The following GSE1 variants were observed in gnomAD, a reference collection of about 807,000 sequenced individuals.
The protein encoded by GSE1 is genetic suppressor element 1.
GSE1 carries 32 observed loss-of-function variants against 112.6 expected under a neutral mutation model. The observed-to-expected ratio is 0.28, with a 90% confidence interval of 0.21 to 0.38. The LOEUF (loss-of-function observed/expected upper bound fraction) is 0.38. Ranked by LOEUF, GSE1 falls within the 10% of genes least tolerant of loss-of-function variation. The pLI is 1.00. For missense variants in GSE1, 2,348 were observed against 1,699.2 expected (o/e 1.38, Z -6.71); for synonymous variants, 1,115 against 735.6 (o/e 1.52, Z -8.35).
At chr16:85,620,545 G>T (rs1182854213) in intron 1 of GSE1, among the ~76,000 whole-genome samples, 1 of 152,268 alleles carries the variant, frequency 6.6e-6, no homozygotes, top group Non-Finnish European at 1.5e-5. Context: ...GCATTGGAGA[G>T]ACTTCCGCCT....
chr16:85,634,657 C>G (rs13333664), intron 2 of GSE1, among the ~76,000 whole-genome samples: 5 of 152,040 alleles, frequency 3.3e-5, no homozygotes, highest in Admixed American at 6.5e-5. Flanking sequence ...GGAGCATAGA[C>G]AAGCGGCCCC....
intron 1 of GSE1, among the ~76,000 whole-genome samples, chr16:85,347,965 C>T (rs542352792): frequency 2.2e-4 from 34 of 152,270 alleles, no homozygotes; most frequent in African/African-American, 7.5e-4. Context: ...CTTTTCTTTG[C>T]GGCAGGCGGG....
intron 2 of GSE1, among the ~76,000 whole-genome samples, chr16:85,442,076 G>A (rs1479948839): frequency 1.3e-5 from 2 of 152,246 alleles, no homozygotes; most frequent in Non-Finnish European, 2.9e-5. Context: ...AGCCAGATCT[G>A]TTTCTGCCTC....
chr16:85,611,776 G>A (rs1278070568), upstream of GSE1, among the ~76,000 whole-genome samples: 2 of 152,070 alleles, frequency 1.3e-5, no homozygotes, highest in East Asian at 3.9e-4. Flanking sequence ...GAACGCTCTA[G>A]GCCCGCCAGC....
intron 1 of GSE1, among the ~76,000 whole-genome samples, chr16:85,320,391 C>G (rs1296526952): frequency 6.6e-6 from 1 of 152,212 alleles, no homozygotes; most frequent in African/African-American, 2.4e-5. Context: ...CCTGGTGAAT[C>G]CAAGAGCTCA....
upstream of GSE1, among the ~76,000 whole-genome samples, chr16:85,554,278 T>A (rs1478637094): frequency 6.6e-6 from 1 of 152,156 alleles, no homozygotes; most frequent in Non-Finnish European, 1.5e-5. Flanking sequence ...TGGGGAATTA[T>A]CACATGGGGC....
chr16:85,613,115 T>G (rs1405761746), upstream of GSE1: 69 of 930,102 alleles, frequency 7.4e-5, no homozygotes, highest in East Asian at 6.1e-4. Context: ...CGCGCGCGCC[T>G]GTGTGTTTGC....
chr16:85,413,166 A>C (rs1567751310), intron 2 of GSE1, among the ~76,000 whole-genome samples: 1 of 152,216 alleles, frequency 6.6e-6, no homozygotes, highest in Non-Finnish European at 1.5e-5. Flanking sequence ...TGCAACAAGC[A>C]CGTGGAAGTG....
chr16:85,640,312 A>C (rs748369822), intron 2 of GSE1, among the ~76,000 whole-genome samples: 5 of 152,188 alleles, frequency 3.3e-5, no homozygotes, highest in Non-Finnish European at 7.4e-5. Flanking sequence ...GGCCTCTCCA[A>C]GCAGGTGTTG....
chr16:85,571,315 C>T (rs1005572380), intron 1 of GSE1, among the ~76,000 whole-genome samples: 7 of 152,242 alleles, frequency 4.6e-5, no homozygotes, highest in South Asian at 4.1e-4. Flanking sequence ...AGCATAGATC[C>T]GTGGCTATCA....
chr16:85,223,428 C>T (rs1047211130), intron 1 of GSE1, among the ~76,000 whole-genome samples: 4 of 148,958 alleles, frequency 2.7e-5, no homozygotes, highest in Admixed American at 2.0e-4. Context: ...GAGGCTGAGA[C>T]AGGAGAATAG....
chr16:85,271,707 C>A (rs1441860490), intron 1 of GSE1, among the ~76,000 whole-genome samples: 10 of 152,168 alleles, frequency 6.6e-5, no homozygotes, highest in Admixed American at 6.5e-5. Context: ...GGTGCCATGA[C>A]CCACCACCTC....
At chr16:85,667,632 C>T (rs2052979095) in intron 13 of GSE1, among the ~76,000 whole-genome samples, 1 of 152,202 alleles carries the variant, frequency 6.6e-6, no homozygotes. Flanking sequence ...CCAAGGCGGG[C>T]AGATCACCTG....
intron 2 of GSE1, among the ~76,000 whole-genome samples, chr16:85,374,337 G>A (rs1363323937): frequency 6.6e-6 from 1 of 151,266 alleles, no homozygotes; most frequent in Non-Finnish European, 1.5e-5. Context: ...GTGTGCCTCT[G>A]TGTGGTCGCG....
At chr16:85,526,378 G>A (rs2052365346) in intron 2 of GSE1, among the ~76,000 whole-genome samples, 1 of 152,278 alleles carries the variant, frequency 6.6e-6, no homozygotes, top group Admixed American at 6.5e-5. Flanking sequence ...AGCTGCAGAA[G>A]TAGAGTGCGT....
At chr16:85,510,396 G>A (rs955850774) in intron 2 of GSE1, among the ~76,000 whole-genome samples, 2 of 152,184 alleles carry the variant, frequency 1.3e-5, no homozygotes, top group African/African-American at 4.8e-5. Context: ...CAGGACCAGG[G>A]CCCGAGCGTG....
intron 1 of GSE1, among the ~76,000 whole-genome samples, chr16:85,578,460 C>G (rs78787681): frequency 0.027 from 4,147 of 152,296 alleles, 162 homozygotes; most frequent in African/African-American, 0.084. Context: ...GAGCTTCTCC[C>G]CCGCCCCTCA....
chr16:85,388,921 A>G (rs544841435), intron 2 of GSE1, among the ~76,000 whole-genome samples: 2 of 152,308 alleles, frequency 1.3e-5, no homozygotes, highest in East Asian at 3.9e-4. Context: ...AGGGAAAATC[A>G]TAGGTGTCCT....
chr16:85,264,905 G>A (rs1254521720), intron 1 of GSE1, among the ~76,000 whole-genome samples: 3 of 152,222 alleles, frequency 2.0e-5, no homozygotes, highest in African/African-American at 7.2e-5. Context: ...CTACTTCCAA[G>A]CTGTGTGAGG....
Sources: allele counts gnomAD v4.1 joint callset (sites outside exome capture counted in the v4.1 genomes callset), GRCh38; gene constraint gnomAD v4.1.1; transcripts MANE v1.5; gene names NCBI Gene and HGNC (gene_info 2026-07-23, HGNC 2026-07-21).